The following RIMS1 variants were observed in gnomAD, a reference collection of about 807,000 sequenced individuals.
RIMS1 encodes the protein regulating synaptic membrane exocytosis 1.
A neutral mutation model predicts 214.1 loss-of-function variants in RIMS1; 83 were observed. The observed-to-expected ratio is 0.39, with a 90% CI of 0.32 to 0.47. The LOEUF is 0.47. RIMS1 is among the 20% of genes least tolerant of loss of function. RIMS1 has a pLI of 0.99. For synonymous variants in RIMS1, 793 were observed against 786.8 expected (o/e 1.01, Z -0.13); for missense variants, 2,050 against 2,161.8 (o/e 0.95, Z 1.03).
intron 1 of RIMS1, among the ~76,000 whole-genome samples, chr6:71,950,575 G>T (rs1482568025): frequency 2.6e-5 from 4 of 152,254 alleles, no homozygotes; most frequent in Admixed American, 2.6e-4. Flanking sequence ...ACTAAGTCAA[G>T]ATGTGAATTA....
At chr6:72,147,907 C>T (rs2042961717) in intron 4 of RIMS1, among the ~76,000 whole-genome samples, 1 of 152,168 alleles carries the variant, frequency 6.6e-6, no homozygotes, top group African/African-American at 2.4e-5. Flanking sequence ...AGAAGTCCAA[C>T]TGGCAAGAAA....
intron 16 of RIMS1, among the ~76,000 whole-genome samples, chr6:72,254,395 A>G (rs994738718): frequency 9.2e-5 from 14 of 152,184 alleles, no homozygotes; most frequent in Non-Finnish European, 1.5e-5. Context: ...ACAAAATGTA[A>G]CATCATATTA....
chr6:71,914,876 G>A (rs561638816), intron 1 of RIMS1, among the ~76,000 whole-genome samples: 2 of 152,234 alleles, frequency 1.3e-5, no homozygotes, highest in South Asian at 2.1e-4. Flanking sequence ...TCTTTTGCTG[G>A]CTTTAGGTTG....
At chr6:71,947,002 A>G (rs1044023699) in intron 1 of RIMS1, among the ~76,000 whole-genome samples, 9 of 152,174 alleles carry the variant, frequency 5.9e-5, no homozygotes, top group Admixed American at 1.3e-4. Flanking sequence ...ATTTCTCAAA[A>G]GAAGACATAC....
intron 10 of RIMS1, among the ~76,000 whole-genome samples, chr6:72,244,051 T>G (rs2068229616): frequency 6.6e-6 from 1 of 151,550 alleles, no homozygotes; most frequent in South Asian, 2.1e-4. Flanking sequence ...AATGTAGTCC[T>G]GTTTAACAAC....
At chr6:72,053,879 C>A (rs1825388602) in intron 2 of RIMS1, among the ~76,000 whole-genome samples, 1 of 152,020 alleles carries the variant, frequency 6.6e-6, no homozygotes, top group Non-Finnish European at 1.5e-5. Context: ...GTATTGAAAC[C>A]AGTCCCCAAA....
chr6:72,260,992 A>G, intron 19 of RIMS1: 1 of 1,322,512 alleles, frequency 7.6e-7, no homozygotes, highest in African/African-American at 1.5e-5. Context: ...AAAAATCCAG[A>G]GACTAGTGGG....
At position 72,250,477 on chromosome 6, in the gene RIMS1, GAAA is replaced by G; in HGVS notation, c.2372+25_2372+27del. On this transcript the variant is annotated intron_variant, in intron 13 of 33. Coordinates refer to ENST00000521978, the MANE Select transcript of RIMS1 (RefSeq NM_014989.7). ...AGATAGAAGGTAGTGAATAATTTTA[GAAA>G]AAAAAAATCTTAAAATCTGTACTAA... is the stretch of plus-strand genomic sequence containing the variant. The G allele has an allele frequency of 7.0e-7, 1 of 1,435,452 alleles. No individual in the cohort carries two copies. Among genetic ancestry groups the G allele is most frequent in the South Asian group, 1.4e-5 (1 of 73,790 alleles). 88.9% of individuals were successfully genotyped at this position (1,435,452 alleles called of 1,614,324 possible). A position where few individuals can be genotyped will look rare whatever the true frequency, so the allele number is the denominator to read the frequency against.
At chr6:72,282,163 G>T (rs575957388) in intron 23 of RIMS1, among the ~76,000 whole-genome samples, 134 of 152,182 alleles carry the variant, frequency 8.8e-4, no homozygotes, top group Non-Finnish European at 1.3e-3. Context: ...CCAGTCAGTT[G>T]CCTTGAGCAC....
At chr6:72,064,911 G>A (rs1415771697) in intron 2 of RIMS1, among the ~76,000 whole-genome samples, 2 of 152,170 alleles carry the variant, frequency 1.3e-5, no homozygotes, top group African/African-American at 2.4e-5. Context: ...GCCTTTTGCA[G>A]GCATGCGTTT....
At chr6:71,984,528 G>C (rs1799346497) in intron 2 of RIMS1, among the ~76,000 whole-genome samples, 1 of 152,100 alleles carries the variant, frequency 6.6e-6, no homozygotes, top group Admixed American at 6.6e-5. Context: ...TTAAACCTTA[G>C]TTAATTTTTT....
chr6:72,400,262 A>G (rs1206653868), intron 33 of RIMS1, among the ~76,000 whole-genome samples: 1 of 152,212 alleles, frequency 6.6e-6, no homozygotes, highest in Non-Finnish European at 1.5e-5. Flanking sequence ...CTCCTCATTG[A>G]CTAGGAACAC....
Position 72,182,647 on chromosome 6 carries a change from C to T in RIMS1, c.1176C>T (p.Asp392=). The change falls in exon 6 of 34, where the codon GAC becomes GAT. Residue 392 remains aspartate (D), a synonymous_variant. Coordinates refer to ENST00000521978, the MANE Select transcript of RIMS1 (RefSeq NM_014989.7). ...SRARHERRHS[D]VALPRTEAGA... Reference sequence around the variant, plus strand: ...CCAGGCACGAGCGGCGCCACAGCGACGTGGCGCTCCCGCGCACCGAGGCGG... The same window carrying T: ...CCAGGCACGAGCGGCGCCACAGCGATGTGGCGCTCCCGCGCACCGAGGCGG... 10 of 1,529,240 alleles carry T rather than the reference C, an allele frequency of 6.5e-6. No individual in the cohort carries two copies. Among genetic ancestry groups the T allele is most frequent in the Non-Finnish European group, 7.9e-6 (9 of 1,137,588 alleles). The allele number at this position is 1,529,240 out of a possible 1,614,324, so 94.7% of individuals were successfully genotyped here.
intron 27 of RIMS1, among the ~76,000 whole-genome samples, chr6:72,310,283 T>A (rs1004540520): frequency 2.6e-5 from 4 of 152,136 alleles, no homozygotes; most frequent in Admixed American, 1.3e-4. Context: ...AAACCTAGTA[T>A]GTCTTTTAGA....
chr6:72,049,763 T>C (rs552221431), intron 2 of RIMS1, among the ~76,000 whole-genome samples: 4 of 152,334 alleles, frequency 2.6e-5, no homozygotes, highest in Non-Finnish European at 4.4e-5. Context: ...GAAGGAGAAG[T>C]ACAGTAATAT....
intron 3 of RIMS1, among the ~76,000 whole-genome samples, chr6:72,098,325 G>T (rs1168058173): frequency 1.4e-5 from 2 of 147,628 alleles, no homozygotes; most frequent in Non-Finnish European, 3.0e-5. Context: ...TTGAGACAGA[G>T]TCTTGCTCTG....
intron 4 of RIMS1, among the ~76,000 whole-genome samples, chr6:72,129,813 G>A (rs2040165033): frequency 1.3e-5 from 2 of 151,982 alleles, no homozygotes; most frequent in South Asian, 2.1e-4. Context: ...TTACTTTAGG[G>A]CTGCCTGACC....
intron 2 of RIMS1, among the ~76,000 whole-genome samples, chr6:72,072,883 C>T (rs969478769): frequency 2.0e-5 from 3 of 152,208 alleles, no homozygotes; most frequent in Non-Finnish European, 4.4e-5. Context: ...CTGAATTGTT[C>T]TGTCTCCTTG....
chr6:72,224,000 T>C (rs1167819308), intron 6 of RIMS1, among the ~76,000 whole-genome samples: 1 of 150,028 alleles, frequency 6.7e-6, no homozygotes, highest in African/African-American at 2.5e-5. Context: ...TTATTCCTGA[T>C]ACCAACACCA....
Sources: gnomAD v4.1 joint callset for allele counts (sites outside exome capture counted in the v4.1 genomes callset) on GRCh38, gnomAD v4.1.1 for gene constraint, MANE v1.5 for transcripts, NCBI Gene and HGNC (gene_info 2026-07-23, HGNC 2026-07-21) for gene names.